Variants in HIVEP3 observed in about 807,000 individuals in gnomAD.
HIVEP3 encodes the protein HIVEP zinc finger 3, also known as transcription factor HIVEP3.
Under a neutral mutation model 152.8 loss-of-function variants are expected in HIVEP3, and 49 were observed. The observed-to-expected ratio is 0.32, with a 90% CI of 0.26 to 0.41. The LOEUF (loss-of-function observed/expected upper bound fraction) is 0.41. Ranked by LOEUF, HIVEP3 falls within the 10% of genes least tolerant of loss-of-function variation. The probability of loss-of-function intolerance (pLI) is 1.00; values close to 1 mark genes in which losing one functional copy is unlikely to be tolerated. For missense variants in HIVEP3, 2,790 were observed against 3,103.3 expected (o/e 0.90, Z 2.40); for synonymous variants, 1,269 against 1,289.0 (o/e 0.98, Z 0.33).
At chr1:41,939,299 C>T (rs1434879310) in intron 1 of HIVEP3, among the ~76,000 whole-genome samples, 1 of 152,060 alleles carries the variant, frequency 6.6e-6, no homozygotes, top group Non-Finnish European at 1.5e-5. Context: ...GGTTTCATTT[C>T]ATTTTTTAAA....
At chr1:41,775,964 T>C (rs1041207531) in intron 1 of HIVEP3, among the ~76,000 whole-genome samples, 4 of 152,206 alleles carry the variant, frequency 2.6e-5, no homozygotes, top group African/African-American at 9.7e-5. Context: ...TGGACACAGT[T>C]ATGTGCCTCC....
rs115712410 is a variant in HIVEP3 at position 41,906,645 on chromosome 1, T to C, written c.-801+11768A>G. Among the ~76,000 whole-genome samples, 1,330 of 152,254 alleles carry C rather than the reference T, an allele frequency of 8.7e-3. 18 individuals are homozygous for C. Among genetic ancestry groups the C allele is most frequent in the African/African-American group, 0.031 (1,271 of 41,516 alleles). ...CTGGTGCAGATACTTGTCAAACTCA[T>C]TAAATTGTACACTTCAAAAGGTGAA... On this transcript the variant is annotated intron_variant, in intron 1 of 8. Coordinates refer to ENST00000372583, the MANE Select transcript of HIVEP3 (RefSeq NM_024503.5).
At chr1:41,642,690 T>C (rs1402106540) in intron 2 of HIVEP3, among the ~76,000 whole-genome samples, 1 of 152,196 alleles carries the variant, frequency 6.6e-6, no homozygotes, top group African/African-American at 2.4e-5. Flanking sequence ...TTGAACATAA[T>C]TGGTGACTGT....
At chr1:41,617,208 G>A (rs1644982072) in intron 3 of HIVEP3, among the ~76,000 whole-genome samples, 1 of 149,362 alleles carries the variant, frequency 6.7e-6, no homozygotes, top group African/African-American at 2.5e-5. Context: ...CTAGAATTTT[G>A]CCATAAACAT....
intron 1 of HIVEP3, among the ~76,000 whole-genome samples, chr1:41,820,854 A>G (rs1257967563): frequency 1.3e-5 from 2 of 152,230 alleles, no homozygotes; most frequent in Non-Finnish European, 2.9e-5. Context: ...AGGAACTCAA[A>G]TATTTATTGC....
rs1483843813 is a variant in HIVEP3 at position 41,579,904 on chromosome 1, T to G, written c.4894A>C (p.Ile1632Leu). The change falls in exon 4 of 9, where the codon ATA becomes CTA. Residue 1632 changes from isoleucine (I) to leucine (L), a missense_variant. By Grantham distance (5) the Ile-to-Leu change is conservative. Coordinates refer to ENST00000372583, the MANE Select transcript of HIVEP3 (RefSeq NM_024503.5). ...RRSSVYAGWC[I>L]SLYNPNLPGV... ...GGAAGGTTGGGGTTGTACAAACTTA[T>G]GCACCAACCAGCGTAAACAGAGGAC... 6.2e-7 allele frequency: 1 copy of G among 1,614,252 alleles called. No individual in the cohort carries two copies. Among genetic ancestry groups the G allele is most frequent in the Non-Finnish European group, 8.5e-7 (1 of 1,180,044 alleles).
chr1:41,592,907 C>A (rs932410549), intron 3 of HIVEP3, among the ~76,000 whole-genome samples: 1 of 152,206 alleles, frequency 6.6e-6, no homozygotes, highest in Non-Finnish European at 1.5e-5. Flanking sequence ...TCCTGGACAC[C>A]GGCTTCTGCC....
rs78880875 is a variant in HIVEP3, at chr1:41,953,376, C to T, written n.120-34852G>A. ...TTACTTAATCTGTCTTTGCCTCAGC[C>T]TCATGTATAAGAGGATAAAATGCTA... On this transcript the variant is annotated intron_variant and non_coding_transcript_variant, in intron 1 of 3. Transcript: ENST00000489103. Among the ~76,000 whole-genome samples, 650 of 152,274 alleles carry T rather than the reference C, an allele frequency of 4.3e-3. 3 individuals carry two copies. The highest frequency in any genetic ancestry group is 7.3e-3 in the Non-Finnish European group (496 of 68,032).
At chr1:41,889,989 T>A (rs937742578) in intron 1 of HIVEP3, among the ~76,000 whole-genome samples, 1 of 152,240 alleles carries the variant, frequency 6.6e-6, no homozygotes, top group Non-Finnish European at 1.5e-5. Context: ...ACAACTCAAG[T>A]GACAGCACAG....
intron 1 of HIVEP3, among the ~76,000 whole-genome samples, chr1:41,730,680 GCCATCACAGGC>G (rs1343465615): frequency 6.6e-6 from 1 of 152,242 alleles, no homozygotes; most frequent in African/African-American, 2.4e-5. Context: ...CGGTGTGGGG[GCCATCACAGGC>G]CCAACGTCAG....
chr1:41,916,126 T>C lies in HIVEP3; in HGVS notation c.-801+2287A>G, dbSNP rs1021879165. ...CTGCCAGGACTTCAGACTAAATGCA[T>C]CTTCTTCTTGCCTGTACCTTTCACA... On this transcript the variant is annotated intron_variant, in intron 1 of 8. Transcript: ENST00000372583. Among the ~76,000 whole-genome samples, 4 of 152,196 alleles carry C rather than the reference T, an allele frequency of 2.6e-5. No individual in the cohort carries two copies. The East Asian group carries it at 7.7e-4, about 29-fold the overall frequency.
chr1:41,986,497 G>A (rs1645323825), intron 1 of HIVEP3, among the ~76,000 whole-genome samples: 1 of 145,718 alleles, frequency 6.9e-6, no homozygotes, highest in South Asian at 2.1e-4. Flanking sequence ...CCAGACTGCA[G>A]TGGCGCTATG....
intron 1 of HIVEP3, among the ~76,000 whole-genome samples, chr1:42,019,105 A>G (rs1391668596): frequency 6.6e-6 from 1 of 152,032 alleles, no homozygotes; most frequent in Non-Finnish European, 1.5e-5. Context: ...CCATTTGTCT[A>G]TTTTAGCACA....
chr1:41,989,873 T>C (rs1290350056), intron 1 of HIVEP3, among the ~76,000 whole-genome samples: 1 of 146,052 alleles, frequency 6.8e-6, no homozygotes, highest in African/African-American at 2.6e-5. Context: ...TGACTCTTTA[T>C]CCAATTTGCC....
intron 1 of HIVEP3, among the ~76,000 whole-genome samples, chr1:42,002,955 G>A (rs1300221953): frequency 1.3e-5 from 2 of 152,142 alleles, no homozygotes; most frequent in Non-Finnish European, 2.9e-5. Flanking sequence ...ATATGAGACT[G>A]TGAGTTTATT....
intron 1 of HIVEP3, among the ~76,000 whole-genome samples, chr1:41,720,621 C>A (rs1256576574): frequency 6.6e-6 from 1 of 152,218 alleles, no homozygotes; most frequent in Non-Finnish European, 1.5e-5. Flanking sequence ...GGTGCAGCCA[C>A]TATGGGGAAC....
intron 2 of HIVEP3, among the ~76,000 whole-genome samples, chr1:41,670,940 G>A (rs1195530369): frequency 6.6e-6 from 1 of 152,190 alleles, no homozygotes; most frequent in African/African-American, 2.4e-5. Context: ...TGGAGTGTGG[G>A]GCCTGCTCAG....
intron 1 of HIVEP3, among the ~76,000 whole-genome samples, chr1:41,973,699 G>A (rs1570858057): frequency 6.6e-6 from 1 of 152,234 alleles, no homozygotes; most frequent in Non-Finnish European, 1.5e-5. Flanking sequence ...TGCAAGGAAT[G>A]ATAGGAGTCA....
At position 41,811,896 on chromosome 1, in the gene HIVEP3, GA is replaced by G. The variant is rs917438437; in HGVS notation, c.-801+106516del. ...GAACCATATAATTAATTTACAACTGGAAAAAAAAATACTTTATTCTAAAGAT... is the reference window on the plus strand; with the variant it reads ...GAACCATATAATTAATTTACAACTGGAAAAAAAATACTTTATTCTAAAGAT... On this transcript the variant is annotated intron_variant, in intron 1 of 8. Coordinates refer to ENST00000372583, the MANE Select transcript of HIVEP3 (RefSeq NM_024503.5). 1.8e-4 allele frequency among the ~76,000 whole-genome samples: 27 copies of G among 150,340 alleles called. No individual in the cohort carries two copies. In the East Asian group the frequency reaches 1.9e-3, roughly 11 times the overall value.
Sources: allele counts gnomAD v4.1 joint callset (sites outside exome capture counted in the v4.1 genomes callset), GRCh38; gene constraint gnomAD v4.1.1; transcripts MANE v1.5; gene names NCBI Gene and HGNC (gene_info 2026-07-23, HGNC 2026-07-21).